PDGFRL: variants seen among roughly 807,000 people sequenced by gnomAD.
The protein encoded by PDGFRL is platelet derived growth factor receptor like.
PDGFRL carries 46 observed loss-of-function variants against 37.2 expected under a neutral mutation model. The observed-to-expected ratio is 1.24, with a 90% CI of 0.98 to 1.58. The LOEUF is 1.58. Ranked by LOEUF, PDGFRL falls within the 40% of genes most tolerant of loss-of-function variation. The probability of loss-of-function intolerance (pLI) is 0.00; values close to 1 mark genes in which losing one functional copy is unlikely to be tolerated. For missense variants in PDGFRL, 692 were observed against 467.6 expected (o/e 1.48, Z -4.43); for synonymous variants, 251 against 184.3 (o/e 1.36, Z -2.93).
intron 2 of PDGFRL, among the ~76,000 whole-genome samples, chr8:17,600,191 A>G (rs546929257): frequency 1.2e-4 from 19 of 152,200 alleles, no homozygotes; most frequent in Non-Finnish European, 2.4e-4. Flanking sequence ...TTTTTCACCA[A>G]GGTCAACAAG....
intron 2 of PDGFRL, among the ~76,000 whole-genome samples, chr8:17,616,304 C>A (rs1283254056): frequency 6.6e-6 from 1 of 152,136 alleles, no homozygotes; most frequent in Non-Finnish European, 1.5e-5. Context: ...AAGCGATTGT[C>A]CTGCGTCAGC....
chr8:17,585,081 G>A (rs575679504), intron 1 of PDGFRL, among the ~76,000 whole-genome samples: 36 of 152,210 alleles, frequency 2.4e-4, no homozygotes, highest in East Asian at 1.9e-4. Flanking sequence ...CATGGCATTT[G>A]TAAACACTCA....
chr8:17,596,077 TG>T, intron 2 of PDGFRL, among the ~76,000 whole-genome samples: 1 of 152,078 alleles, frequency 6.6e-6, no homozygotes, highest in Non-Finnish European at 1.5e-5. Context: ...TGGCAGCCAA[TG>T]GGAAGCAACC....
In PDGFRL at chr8:17,618,820, C is replaced by A. The variant is rs376442501; in HGVS notation, c.354-2231C>A. On this transcript the variant is annotated intron_variant, in intron 2 of 5. Coordinates refer to ENST00000251630, the MANE Select transcript of PDGFRL (RefSeq NM_001372073.1). ...GTTCCTGCCTCAAAGCTTGTACCAT[C>A]TAGTGTAATGACAGGAAGCCAGGGG... 1.1e-4 allele frequency among the ~76,000 whole-genome samples: 16 copies of A among 152,136 alleles called. No homozygotes were observed. In the East Asian group the frequency reaches 1.9e-3, roughly 18 times the overall value.
At chr8:17,590,244 A>T (rs1803907325) in intron 2 of PDGFRL, among the ~76,000 whole-genome samples, 1 of 146,624 alleles carries the variant, frequency 6.8e-6, no homozygotes. Flanking sequence ...CTCAAAAAAA[A>T]AAAAAAAAAA....
chr8:17,600,005 A>C (rs1804134005), intron 2 of PDGFRL, among the ~76,000 whole-genome samples: 1 of 151,958 alleles, frequency 6.6e-6, no homozygotes, highest in Non-Finnish European at 1.5e-5. Flanking sequence ...ATATTCACCA[A>C]ATTAAGAAAT....
intron 1 of PDGFRL, among the ~76,000 whole-genome samples, chr8:17,581,546 A>G (rs1002896012): frequency 6.6e-6 from 1 of 152,118 alleles, no homozygotes; most frequent in Non-Finnish European, 1.5e-5. Flanking sequence ...GTAGGGCCTC[A>G]TGGGAGGTGT....
At chr8:17,628,348 G>C (rs1490546280) in intron 3 of PDGFRL, 139 bp from the exon 4 acceptor site, 2 of 653,806 alleles carry the variant, frequency 3.1e-6, no homozygotes, top group Middle Eastern at 4.1e-4. Flanking sequence ...AAAATGAAAA[G>C]CATTAAAGTA....
At chr8:17,592,212 T>A (rs772088071) in intron 2 of PDGFRL, among the ~76,000 whole-genome samples, 12 of 152,214 alleles carry the variant, frequency 7.9e-5, no homozygotes, top group Non-Finnish European at 1.3e-4. Flanking sequence ...TGAAAAGTAA[T>A]GATGAAAAAC....
rs982821164 is a variant in PDGFRL at position 17,590,667 on chromosome 8, G to A, written c.353+902G>A. ...GCAGAGGTTACAGTGAGCCGAGTTCGTACCACCGCACTCCAGCCTGGGTGA... is the reference window on the plus strand; with the variant it reads ...GCAGAGGTTACAGTGAGCCGAGTTCATACCACCGCACTCCAGCCTGGGTGA... On this transcript the variant is annotated intron_variant, in intron 2 of 5. Transcript: ENST00000251630. 2.0e-5 allele frequency among the ~76,000 whole-genome samples: 3 copies of A among 151,458 alleles called. No homozygotes were observed. The South Asian group carries it at 6.3e-4, about 32-fold the overall frequency.
intron 2 of PDGFRL, among the ~76,000 whole-genome samples, chr8:17,598,488 G>A (rs1248485956): frequency 1.3e-5 from 2 of 152,118 alleles, no homozygotes; most frequent in Non-Finnish European, 2.9e-5. Context: ...GCTTCCACAG[G>A]GGTTTAGGCC....
At chr8:17,587,554 CTTT>C (rs1326779264) in intron 1 of PDGFRL, among the ~76,000 whole-genome samples, 1 of 151,932 alleles carries the variant, frequency 6.6e-6, no homozygotes, top group Non-Finnish European at 1.5e-5. Flanking sequence ...TTCTTTCTTT[CTTT>C]TTTTGAGAGA....
rs575978637 is a variant in PDGFRL at position 17,618,999 on chromosome 8, C to T, written c.354-2052C>T. On this transcript the variant is annotated intron_variant, in intron 2 of 5. Transcript: ENST00000251630. ...ATGGCGTGGGAGTACAGAAGCACCA[C>T]TTGGCAGAACTGGTGGACAAAACAA... is the stretch of plus-strand genomic sequence containing the variant. 1.2e-4 allele frequency among the ~76,000 whole-genome samples: 19 copies of T among 152,292 alleles called. 1 individual carries two copies. Among genetic ancestry groups the T allele is most frequent in the African/African-American group, 4.6e-4 (19 of 41,568 alleles).
At chr8:17,586,055 G>A (rs1803808350) in intron 1 of PDGFRL, among the ~76,000 whole-genome samples, 1 of 152,140 alleles carries the variant, frequency 6.6e-6, no homozygotes, top group Admixed American at 6.5e-5. Context: ...AGGATCAAAC[G>A]ATTCTCATGC....
At chr8:17,591,221 AC>A (rs1049327355) in intron 2 of PDGFRL, among the ~76,000 whole-genome samples, 2 of 152,124 alleles carry the variant, frequency 1.3e-5, no homozygotes, top group Admixed American at 1.3e-4. Flanking sequence ...TATGACTGTT[AC>A]AGTCAGAGGC....
At chr8:17,590,827 C>G (rs1364588122) in intron 2 of PDGFRL, among the ~76,000 whole-genome samples, 1 of 151,958 alleles carries the variant, frequency 6.6e-6, no homozygotes, top group African/African-American at 2.4e-5. Flanking sequence ...CTGTGAGCAA[C>G]TTGACCAGAT....
intron 5 of PDGFRL, among the ~76,000 whole-genome samples, chr8:17,634,703 C>G (rs756501462): frequency 6.6e-6 from 1 of 152,078 alleles, no homozygotes; most frequent in East Asian, 1.9e-4. Flanking sequence ...TTATCCTTAG[C>G]AAACTAACAC....
At chr8:17,598,121 A>G (rs557869097) in intron 2 of PDGFRL, among the ~76,000 whole-genome samples, 199 of 152,338 alleles carry the variant, frequency 1.3e-3, no homozygotes, top group African/African-American at 4.6e-3. Flanking sequence ...CAATAAGGAT[A>G]AATGTCTTAT....
chr8:17,633,981 T>G (rs1804914809), intron 4 of PDGFRL, 93 bp from the exon 5 acceptor site: 5 of 1,287,506 alleles, frequency 3.9e-6, no homozygotes, highest in Admixed American at 1.7e-5. Flanking sequence ...GGCAGAAAAT[T>G]CCATCTCTCT....
Sources: gnomAD v4.1 joint callset for allele counts (sites outside exome capture counted in the v4.1 genomes callset) on GRCh38, gnomAD v4.1.1 for gene constraint, MANE v1.5 for transcripts, NCBI Gene and HGNC (gene_info 2026-07-23, HGNC 2026-07-21) for gene names.